Variants in FER observed in about 807,000 individuals in gnomAD.
FER encodes the protein FER tyrosine kinase.
FER carries 63 observed loss-of-function variants against 111.0 expected under a neutral mutation model. The ratio of observed to expected loss-of-function variants is 0.57; its 90% CI spans 0.46 to 0.70. FER has a LOEUF of 0.70. Ranked by LOEUF, FER falls within the 30% of genes least tolerant of loss-of-function variation. The pLI is 0.00. For missense variants in FER, 914 were observed against 954.0 expected, an observed-to-expected ratio of 0.96 and a Z score of 0.55; for synonymous variants, 327 against 313.9, an observed-to-expected ratio of 1.04 and a Z score of -0.44.
At chr5:109,139,350 C>CTTTTTTTTTTTTTTTTTTTTTTTTTTT (rs59092426) in intron 17 of FER, among the ~76,000 whole-genome samples, 1 of 91,114 alleles carries the variant, frequency 1.1e-5, no homozygotes, top group African/African-American at 4.4e-5. Context: ...TTCTTTCTTT[C>CTTTTTTTTTTTTTTTTTTTTTTTTTTT]TTTTTTTTTT....
At chr5:109,085,930 G>A (rs1391913232) in intron 16 of FER, among the ~76,000 whole-genome samples, 1 of 151,616 alleles carries the variant, frequency 6.6e-6, no homozygotes, top group Admixed American at 6.6e-5. Context: ...TCAAAGTATT[G>A]CTGCATTCTA....
rs759291986 is a variant in FER at position 109,104,872 on chromosome 5, A to G, written c.2048+4353A>G. Among the ~76,000 whole-genome samples the G allele has an allele frequency of 3.9e-4, 59 of 151,896 alleles. 1 individual carries two copies. The highest frequency in any genetic ancestry group is 6.6e-4 in the Non-Finnish European group (45 of 67,998). On this transcript the variant is annotated intron_variant, in intron 17 of 19. Coordinates refer to ENST00000281092, the MANE Select transcript of FER (RefSeq NM_005246.4). ...ATTCTCCTACCTCAGCCTCATGAGT[A>G]GCTGGGACTACAGGTGCCCGCCACC...
chr5:109,119,129 T>G (rs982947191), intron 17 of FER, among the ~76,000 whole-genome samples: 9 of 152,206 alleles, frequency 5.9e-5, no homozygotes, highest in African/African-American at 1.2e-4. Context: ...CTTTCCTGCT[T>G]TCTCTTGTGG....
intron 17 of FER, among the ~76,000 whole-genome samples, chr5:109,105,032 C>T (rs544180747): frequency 2.6e-5 from 4 of 152,198 alleles, no homozygotes; most frequent in African/African-American, 4.8e-5. Context: ...CATGAGCCAC[C>T]GCGCCCGGCC....
chr5:108,870,213 A>G (rs1040450485), intron 6 of FER, among the ~76,000 whole-genome samples: 5 of 152,126 alleles, frequency 3.3e-5, no homozygotes, highest in Admixed American at 1.3e-4. Flanking sequence ...AAGCATGATT[A>G]TATCACCACA....
chr5:108,841,208 CTG>C (rs1561495672), intron 5 of FER, among the ~76,000 whole-genome samples: 1 of 152,164 alleles, frequency 6.6e-6, no homozygotes, highest in Admixed American at 6.5e-5. Flanking sequence ...TTGCTCAGGG[CTG>C]TCACTTTACT....
At chr5:108,916,854 A>G (rs992042677) in intron 10 of FER, among the ~76,000 whole-genome samples, 1 of 152,162 alleles carries the variant, frequency 6.6e-6, no homozygotes, top group African/African-American at 2.4e-5. Context: ...AGAATCATAT[A>G]GACTTTTTGG....
intron 2 of FER, 83 bp from the exon 3 acceptor site, chr5:108,798,041 G>T: frequency 1.9e-6 from 1 of 538,702 alleles, no homozygotes; most frequent in Non-Finnish European, 3.3e-6. Context: ...TAACCCCAAA[G>T]AAGAATCTAT....
At chr5:109,100,312 A>T in intron 16 of FER, 84 bp from the exon 17 acceptor site, 1 of 1,539,380 alleles carries the variant, frequency 6.5e-7, no homozygotes, top group Non-Finnish European at 8.8e-7. Context: ...TTGCTCTGTC[A>T]AATATTCCTA....
chr5:108,797,741 T>G (rs1756196166), intron 2 of FER, among the ~76,000 whole-genome samples: 1 of 152,198 alleles, frequency 6.6e-6, no homozygotes, highest in Non-Finnish European at 1.5e-5. Context: ...GTTGTTAAAT[T>G]TGGTTTTCCT....
At chr5:109,029,605 C>G (rs929158296) in intron 13 of FER, among the ~76,000 whole-genome samples, 1 of 151,832 alleles carries the variant, frequency 6.6e-6, no homozygotes, top group East Asian at 1.9e-4. Flanking sequence ...ACCACATTTA[C>G]TATTTACAGT....
chr5:108,960,675 T>G (rs997583561), intron 13 of FER, among the ~76,000 whole-genome samples: 3 of 152,172 alleles, frequency 2.0e-5, no homozygotes, highest in Non-Finnish European at 4.4e-5. Context: ...ACTATTTATA[T>G]ATCAACAATT....
At chr5:108,901,232 TTC>T (rs1749968958) in intron 10 of FER, among the ~76,000 whole-genome samples, 1 of 152,108 alleles carries the variant, frequency 6.6e-6, no homozygotes, top group Non-Finnish European at 1.5e-5. Flanking sequence ...AAAAATGAAT[TTC>T]TTTCTTTTTT....
intron 16 of FER, among the ~76,000 whole-genome samples, chr5:109,067,891 C>T (rs140465080): frequency 6.6e-6 from 1 of 152,112 alleles, no homozygotes; most frequent in Non-Finnish European, 1.5e-5. Flanking sequence ...TCTGTGCTTC[C>T]AGAAGCCTTT....
intron 9 of FER, among the ~76,000 whole-genome samples, chr5:108,891,162 A>G (rs1470532729): frequency 6.6e-6 from 1 of 151,956 alleles, no homozygotes; most frequent in Non-Finnish European, 1.5e-5. Context: ...CTGGTTTGTC[A>G]TTTGTATATC....
intron 16 of FER, among the ~76,000 whole-genome samples, chr5:109,065,185 G>T (rs146983927): frequency 7.2e-5 from 11 of 152,048 alleles, no homozygotes; most frequent in Non-Finnish European, 1.2e-4. Flanking sequence ...TATCAGAATT[G>T]TAAGGAAAAC....
In FER at chr5:109,183,135, C is replaced by T. The variant is rs550781467; in HGVS notation, c.2203+2234C>T. Among the ~76,000 whole-genome samples the T allele has an allele frequency of 1.1e-3, 172 of 152,198 alleles. 1 individual carries two copies. The highest frequency in any genetic ancestry group is 2.0e-3 in the Non-Finnish European group (137 of 68,016). On this transcript the variant is annotated intron_variant, in intron 18 of 19. Transcript: ENST00000281092. ...TAGGAGACGTTTATAGTATTTAATA[C>T]CCAGTCCAATGAGAGAGTTCCTGAA...
chr5:109,023,650 G>T (rs951261970), intron 13 of FER, among the ~76,000 whole-genome samples: 7 of 148,504 alleles, frequency 4.7e-5, no homozygotes, highest in Admixed American at 2.7e-4. Flanking sequence ...GTGTTTTGGG[G>T]TTTTTTTGTA....
intron 16 of FER, among the ~76,000 whole-genome samples, chr5:109,078,559 T>C (rs1444105917): frequency 6.6e-6 from 1 of 152,188 alleles, no homozygotes; most frequent in African/African-American, 2.4e-5. Context: ...AAGAGGAATA[T>C]GCCTCTGATT....
Sources: gnomAD v4.1 joint callset for allele counts (sites outside exome capture counted in the v4.1 genomes callset) on GRCh38, gnomAD v4.1.1 for gene constraint, MANE v1.5 for transcripts, NCBI Gene and HGNC (gene_info 2026-07-23, HGNC 2026-07-21) for gene names.